The following GRID1 variants were observed in gnomAD, a reference collection of about 807,000 sequenced individuals.
The protein encoded by GRID1 is glutamate ionotropic receptor delta type subunit 1.
In GRID1, 28 loss-of-function variants were observed where a neutral mutation model predicts 98.0. That is an observed-to-expected ratio of 0.29 (90% CI 0.21 to 0.39). The LOEUF is 0.39. Ranked by LOEUF, GRID1 falls within the 10% of genes least tolerant of loss-of-function variation. The probability of loss-of-function intolerance (pLI) is 1.00; values close to 1 mark genes in which losing one functional copy is unlikely to be tolerated. For missense variants in GRID1, 1,111 were observed against 1,340.5 expected, an observed-to-expected ratio of 0.83 and a Z score of 2.67; for synonymous variants, 553 against 538.5, an observed-to-expected ratio of 1.03 and a Z score of -0.37.
intron 3 of GRID1, among the ~76,000 whole-genome samples, chr10:86,167,976 C>T (rs1026117585): frequency 1.3e-5 from 2 of 152,222 alleles, no homozygotes; most frequent in East Asian, 3.8e-4. Flanking sequence ...GCCCCATAGA[C>T]CCCCACAGCC....
At chr10:86,055,533 A>T (rs940444963) in intron 4 of GRID1, among the ~76,000 whole-genome samples, 5 of 152,134 alleles carry the variant, frequency 3.3e-5, no homozygotes, top group Non-Finnish European at 5.9e-5. Context: ...ACTTGAGGTC[A>T]GGAGTTTGAG....
chr10:85,615,791 G>T (rs2132516912), intron 14 of GRID1, among the ~76,000 whole-genome samples: 1 of 152,304 alleles, frequency 6.6e-6, no homozygotes, highest in African/African-American at 2.4e-5. Flanking sequence ...ATAAGTCTCT[G>T]CTGGTAGGGG....
chr10:86,235,581 A>G (rs1436852233), intron 2 of GRID1, among the ~76,000 whole-genome samples: 1 of 152,150 alleles, frequency 6.6e-6, no homozygotes, highest in East Asian at 1.9e-4. Flanking sequence ...CCAGCTACTC[A>G]TCTGGTTTCT....
chr10:86,201,908 G>A (rs950880316), intron 3 of GRID1, among the ~76,000 whole-genome samples: 1 of 152,200 alleles, frequency 6.6e-6, no homozygotes, highest in Non-Finnish European at 1.5e-5. Flanking sequence ...CTGTAGGGGA[G>A]ACATGGTCAG....
At chr10:85,771,348 G>A (rs7099498) in intron 8 of GRID1, among the ~76,000 whole-genome samples, 92,140 of 151,906 alleles carry the variant, frequency 0.61, 28,403 homozygotes, top group East Asian at 0.8. Flanking sequence ...GGAACAACCG[G>A]TACCAGCCAC....
chr10:85,977,011 T>A (rs2131858655), intron 4 of GRID1, among the ~76,000 whole-genome samples: 1 of 152,330 alleles, frequency 6.6e-6, no homozygotes, highest in South Asian at 2.1e-4. Context: ...CACAGTCTTC[T>A]ACCTCTGACA....
intron 8 of GRID1, among the ~76,000 whole-genome samples, 188 bp from the exon 9 acceptor site, chr10:85,729,802 C>T (rs1403461974): frequency 6.6e-6 from 1 of 152,192 alleles, no homozygotes; most frequent in African/African-American, 2.4e-5. Context: ...AGTTACATGT[C>T]CTCCTTCAGC....
intron 4 of GRID1, among the ~76,000 whole-genome samples, chr10:86,002,894 A>G (rs1842818026): frequency 6.6e-6 from 1 of 152,236 alleles, no homozygotes. Flanking sequence ...GATAAACAGA[A>G]GAAAGCCATA....
intron 4 of GRID1, among the ~76,000 whole-genome samples, chr10:86,046,173 C>G (rs1007502459): frequency 6.6e-6 from 1 of 152,154 alleles, no homozygotes; most frequent in African/African-American, 2.4e-5. Flanking sequence ...ACCTGAAGAC[C>G]CAGAAGTTAC....
At chr10:86,274,186 T>C (rs1365676756) in intron 2 of GRID1, among the ~76,000 whole-genome samples, 1 of 152,236 alleles carries the variant, frequency 6.6e-6, no homozygotes, top group Non-Finnish European at 1.5e-5. Flanking sequence ...TCCCCATTGC[T>C]TGTTTTTCTC....
chr10:85,702,666 A>C (rs936651109), intron 12 of GRID1, among the ~76,000 whole-genome samples: 3 of 152,082 alleles, frequency 2.0e-5, no homozygotes, highest in African/African-American at 7.2e-5. Flanking sequence ...ACAAAGGAGA[A>C]AGCACAAGAG....
chr10:85,878,201 G>T (rs983809528), intron 5 of GRID1, among the ~76,000 whole-genome samples: 4 of 152,232 alleles, frequency 2.6e-5, no homozygotes, highest in East Asian at 3.9e-4. Context: ...ACCCTGCAGG[G>T]TATTATCCAG....
At chr10:85,827,578 G>A (rs150112801) in intron 8 of GRID1, among the ~76,000 whole-genome samples, 7 of 152,062 alleles carry the variant, frequency 4.6e-5, no homozygotes, top group Non-Finnish European at 8.8e-5. Flanking sequence ...CTTGGAAAGC[G>A]AATTTGAGGA....
rs552914508 is a variant in GRID1, at chr10:86,100,021, C to T, written c.726+38798G>A. 1.8e-4 allele frequency among the ~76,000 whole-genome samples: 27 copies of T among 152,282 alleles called. No homozygotes were observed. The South Asian group carries it at 5.2e-3, about 29-fold the overall frequency. ...AAGGAGGCCAGAGCCTGGTAACTAG[C>T]ATGCAGGAAGGTGTGGGGGCAGCAT... On this transcript the variant is annotated intron_variant, in intron 4 of 15. Coordinates refer to ENST00000327946, the MANE Select transcript of GRID1 (RefSeq NM_017551.3).
chr10:86,126,427 C>A lies in GRID1; in HGVS notation c.726+12392G>T, dbSNP rs1589380459. ...CTGAGATCGTGCCTCTGCACTCCAG[C>A]CTGGGCGACAGAGTGAGACTCCGTC... On this transcript the variant is annotated intron_variant, in intron 4 of 15. Coordinates refer to ENST00000327946, the MANE Select transcript of GRID1 (RefSeq NM_017551.3). 3.3e-5 allele frequency among the ~76,000 whole-genome samples: 5 copies of A among 152,286 alleles called. 1 individual carries two copies. The highest frequency in any genetic ancestry group is 3.3e-4 in the Admixed American group (5 of 15,298).
chr10:86,329,189 G>A (rs745816905), intron 2 of GRID1, among the ~76,000 whole-genome samples: 12 of 152,206 alleles, frequency 7.9e-5, no homozygotes, highest in Non-Finnish European at 1.6e-4. Flanking sequence ...GTGATAAAGC[G>A]GCTGCCTGGT....
chr10:86,219,059 A>G (rs1216001050), intron 2 of GRID1, among the ~76,000 whole-genome samples: 1 of 152,202 alleles, frequency 6.6e-6, no homozygotes, highest in Non-Finnish European at 1.5e-5. Context: ...CTGGGGTAAA[A>G]GTCACAGGGA....
chr10:85,635,143 C>T (rs1843023286), intron 13 of GRID1, among the ~76,000 whole-genome samples: 1 of 150,490 alleles, frequency 6.6e-6, no homozygotes, highest in African/African-American at 2.4e-5. Context: ...AGAGCTTACT[C>T]TATCAAATTA....
At chr10:85,706,891 G>A (rs1234250505) in intron 12 of GRID1, among the ~76,000 whole-genome samples, 1 of 152,146 alleles carries the variant, frequency 6.6e-6, no homozygotes, top group Non-Finnish European at 1.5e-5. Context: ...AATGGTGCTG[G>A]GAAAACTGGC....
Sources: gnomAD v4.1 joint callset for allele counts (sites outside exome capture counted in the v4.1 genomes callset) on GRCh38, gnomAD v4.1.1 for gene constraint, MANE v1.5 for transcripts, NCBI Gene and HGNC (gene_info 2026-07-23, HGNC 2026-07-21) for gene names.